The following FAAH2 variants were observed in gnomAD, a reference collection of about 807,000 sequenced individuals.
The protein encoded by FAAH2 is fatty-acid amide hydrolase 2.
A neutral mutation model predicts 36.9 loss-of-function variants in FAAH2; 60 were observed. The observed-to-expected ratio is 1.63, with a 90% CI of 1.32 to 2.02. FAAH2 has a LOEUF of 2.02. Ranked by LOEUF, FAAH2 falls within the 30% of genes most tolerant of loss-of-function variation. FAAH2 has a pLI of 0.00. For synonymous variants in FAAH2, 214 were observed against 143.8 expected (o/e 1.49, Z -3.49); for missense variants, 689 against 397.5 (o/e 1.73, Z -6.23).
the FAAH2 span, among the ~76,000 whole-genome samples, chrX:57,250,764 T>TA: frequency 0.23 from 24,027 of 102,449 alleles, 6,843 homozygotes; most frequent in African/African-American, 0.78. Flanking sequence ...CTAGAAGAAA[T>TA]AAAAAAAAAA....
At chrX:57,398,925 A>T (rs1179891574) in intron 7 of FAAH2, among the ~76,000 whole-genome samples, 1 of 110,965 alleles carries the variant, frequency 9.0e-6, no homozygotes, top group Non-Finnish European at 1.9e-5. Context: ...GCTGTTGGGG[A>T]GGTTGGCTGA....
At chrX:57,315,738 T>A (rs138800828) in intron 3 of FAAH2, among the ~76,000 whole-genome samples, 70 of 111,526 alleles carry the variant, frequency 6.3e-4, no homozygotes, top group African/African-American at 2.2e-3. Context: ...CCCAACAGAC[T>A]AGGCATCGAA....
intron 5 of FAAH2, among the ~76,000 whole-genome samples, chrX:57,367,641 A>G (rs1305041359): frequency 8.9e-6 from 1 of 111,934 alleles, no homozygotes; most frequent in East Asian, 2.8e-4. Context: ...CAGGCTCAGG[A>G]TGGCTTCATA....
chrX:57,227,471 G>T, the FAAH2 span, among the ~76,000 whole-genome samples: 2 of 111,256 alleles, frequency 1.8e-5, no homozygotes, highest in Non-Finnish European at 1.9e-5. Flanking sequence ...GGTACTGGGG[G>T]TTATCTGCAC....
intron 10 of FAAH2, among the ~76,000 whole-genome samples, chrX:57,477,472 C>T (rs1375054907): frequency 2.7e-5 from 3 of 110,437 alleles, no homozygotes; most frequent in African/African-American, 6.6e-5. Flanking sequence ...TTGTTTATTG[C>T]TATGTTCTAA....
At chrX:57,394,516 A>G (rs766840418) in intron 7 of FAAH2, 1,774 of 1,206,252 alleles carry the variant, frequency 1.5e-3, no homozygotes, top group Non-Finnish European at 1.9e-3. Context: ...TCTTGAGGTT[A>G]AGGTTGTTAT....
At chrX:57,214,918 C>A in the FAAH2 span, among the ~76,000 whole-genome samples, 3 of 110,396 alleles carry the variant, frequency 2.7e-5, no homozygotes, top group African/African-American at 9.9e-5. Context: ...ACTATAGTCA[C>A]ATACACATAG....
At chrX:57,335,993 G>T (rs2053541723) in intron 4 of FAAH2, among the ~76,000 whole-genome samples, 1 of 111,507 alleles carries the variant, frequency 9.0e-6, no homozygotes, top group Non-Finnish European at 1.9e-5. Context: ...AAGGTTGGGG[G>T]TAGGGTTACA....
the FAAH2 span, among the ~76,000 whole-genome samples, chrX:57,271,851 G>A: frequency 2.7e-5 from 3 of 110,360 alleles, no homozygotes; most frequent in East Asian, 2.9e-4. Flanking sequence ...CTCTTCCTCT[G>A]AAGGATCACA....
At chrX:57,424,367 C>A (rs2056109858) in intron 7 of FAAH2, among the ~76,000 whole-genome samples, 1 of 111,742 alleles carries the variant, frequency 8.9e-6, no homozygotes, top group Admixed American at 9.4e-5. Flanking sequence ...TAAACAAAGA[C>A]CCCTACTGCT....
At chrX:57,352,079 TGTGTATATATATGC>T (rs1256144868) in intron 5 of FAAH2, among the ~76,000 whole-genome samples, 257 of 11,789 alleles carry the variant, frequency 0.022, 24 homozygotes, top group Non-Finnish European at 0.041. Flanking sequence ...CATATATATA[TGTGTATATATATGC>T]ACATATATAT....
chrX:57,457,531 C>A lies in FAAH2; in HGVS notation c.1423+8813C>A, dbSNP rs370981641. Among the ~76,000 whole-genome samples, 429 of 110,348 alleles carry A rather than the reference C, an allele frequency of 3.9e-3. 2 individuals carry two copies. Among genetic ancestry groups the A allele is most frequent in the African/African-American group, 0.014 (413 of 30,416 alleles). ...ACTCTCTCTCTTTACTGATATGATT[C>A]AATACCTAGAAAACCCTAAAGACTC... On this transcript the variant is annotated intron_variant, in intron 10 of 10. Transcript: ENST00000374900.
chrX:57,418,523 C>A (rs935817144), intron 7 of FAAH2, among the ~76,000 whole-genome samples: 1 of 110,685 alleles, frequency 9.0e-6, no homozygotes, highest in East Asian at 2.9e-4. Flanking sequence ...TGAGGTGACA[C>A]CCCACCCTGC....
chrX:57,368,574 C>T (rs564915594), intron 5 of FAAH2, among the ~76,000 whole-genome samples: 1 of 111,834 alleles, frequency 8.9e-6, no homozygotes, highest in South Asian at 3.8e-4. Context: ...CACAGTGGAG[C>T]AGCACCAGAG....
At chrX:57,272,362 C>A in the FAAH2 span, among the ~76,000 whole-genome samples, 1 of 111,153 alleles carries the variant, frequency 9.0e-6, no homozygotes, top group Non-Finnish European at 1.9e-5. Flanking sequence ...ACTTCCCCAA[C>A]CTAGAAAGAC....
chrX:57,165,342 A>C, the FAAH2 span, among the ~76,000 whole-genome samples: 1 of 112,648 alleles, frequency 8.9e-6, no homozygotes, highest in East Asian at 2.8e-4. Context: ...CATATACACC[A>C]TGGAATACTA....
chrX:57,367,666 G>A (rs1404385012), intron 5 of FAAH2, among the ~76,000 whole-genome samples: 1 of 111,727 alleles, frequency 9.0e-6, no homozygotes, highest in East Asian at 2.8e-4. Context: ...AGGAAGCAAA[G>A]TATTCTGCTG....
the FAAH2 span, among the ~76,000 whole-genome samples, chrX:57,157,526 C>A: frequency 1.8e-5 from 2 of 111,575 alleles, no homozygotes; most frequent in African/African-American, 6.5e-5. Flanking sequence ...CATGCAATCT[C>A]CACACTGACT....
At chrX:57,463,559 A>T (rs767265999) in intron 10 of FAAH2, among the ~76,000 whole-genome samples, 1 of 111,632 alleles carries the variant, frequency 9.0e-6, no homozygotes, top group African/African-American at 3.3e-5. Context: ...GCAATGAGGA[A>T]ATAATTACCT....
Sources: gnomAD v4.1 joint callset for allele counts (sites outside exome capture counted in the v4.1 genomes callset) on GRCh38, gnomAD v4.1.1 for gene constraint, MANE v1.5 for transcripts, NCBI Gene and HGNC (gene_info 2026-07-23, HGNC 2026-07-21) for gene names.